The following MYO6 variants were observed in gnomAD, a reference collection of about 807,000 sequenced individuals.
The protein encoded by MYO6 is unconventional myosin-VI.
MYO6 carries 74 observed loss-of-function variants against 178.7 expected under a neutral mutation model. The ratio of observed to expected loss-of-function variants is 0.41; its 90% CI spans 0.34 to 0.50. The LOEUF (loss-of-function observed/expected upper bound fraction) is 0.50. MYO6 is among the 20% of genes least tolerant of loss of function. The pLI is 0.09. For synonymous variants in MYO6, 477 were observed against 504.6 expected (o/e 0.95, Z 0.73); for missense variants, 1,330 against 1,547.4 (o/e 0.86, Z 2.36).
chr6:75,889,097 G>T (rs866310082), intron 25 of MYO6, among the ~76,000 whole-genome samples: 1 of 151,980 alleles, frequency 6.6e-6, no homozygotes, highest in African/African-American at 2.4e-5. Flanking sequence ...TAAAGTGAGC[G>T]TTTTATATTT....
At chr6:75,760,572 A>G (rs1777857814) in intron 1 of MYO6, among the ~76,000 whole-genome samples, 3 of 152,282 alleles carry the variant, frequency 2.0e-5, no homozygotes, top group Non-Finnish European at 2.9e-5. Context: ...AGAATTTAGC[A>G]TACAAATAAA....
intron 16 of MYO6, among the ~76,000 whole-genome samples, chr6:75,866,275 C>CTGTGTGTGTGTGTGTGTG (rs10687890): frequency 2.5e-5 from 3 of 119,138 alleles, no homozygotes; most frequent in Non-Finnish European, 3.9e-5. Flanking sequence ...GTCTCTGTCT[C>CTGTGTGTGTGTGTGTGTG]TGTGTGTGTG....
chr6:75,832,139 C>T (rs1773159291), intron 5 of MYO6, among the ~76,000 whole-genome samples: 1 of 152,080 alleles, frequency 6.6e-6, no homozygotes, highest in Non-Finnish European at 1.5e-5. Context: ...GTAGTCTTAA[C>T]ATTTAATACA....
chr6:75,875,565 G>A (rs918621922), intron 20 of MYO6, among the ~76,000 whole-genome samples: 1 of 152,182 alleles, frequency 6.6e-6, no homozygotes, highest in Non-Finnish European at 1.5e-5. Context: ...GGGATTATAG[G>A]CATGAGCTGC....
At chr6:75,803,022 T>C (rs1265007520) in intron 1 of MYO6, among the ~76,000 whole-genome samples, 1 of 152,216 alleles carries the variant, frequency 6.6e-6, no homozygotes, top group Non-Finnish European at 1.5e-5. Context: ...TTTTTGTCCA[T>C]ATTATTGTAA....
At chr6:75,848,318 C>T (rs766646513) in intron 10 of MYO6, 33 bp from the exon 11 acceptor site, 40 of 1,586,310 alleles carry the variant, frequency 2.5e-5, no homozygotes, top group Non-Finnish European at 3.4e-5. Context: ...AATAATGTAA[C>T]GATCAGTTAA....
chr6:75,761,590 A>G (rs1777947008), intron 1 of MYO6, among the ~76,000 whole-genome samples: 1 of 117,082 alleles, frequency 8.5e-6, no homozygotes, highest in Non-Finnish European at 1.6e-5. Context: ...ATGGGCTGTT[A>G]GAACACACAC....
chr6:75,852,169 A>G (rs1318023644), intron 11 of MYO6, among the ~76,000 whole-genome samples: 2 of 151,952 alleles, frequency 1.3e-5, no homozygotes, highest in Non-Finnish European at 2.9e-5. Context: ...ACTTTGCGAT[A>G]TAGTAAAAAA....
At chr6:75,782,445 AT>A (rs531603292) in intron 1 of MYO6, among the ~76,000 whole-genome samples, 5 of 151,628 alleles carry the variant, frequency 3.3e-5, no homozygotes, top group South Asian at 4.2e-4. Flanking sequence ...GCATGAAAGT[AT>A]TTTTTTTGTC....
At position 75,830,403 on chromosome 6, in the gene MYO6, T is replaced by C. The variant is rs753496864; in HGVS notation, c.262-13T>C. On this transcript the variant is annotated splice_polypyrimidine_tract_variant and intron_variant, in intron 4 of 34. Transcript: ENST00000369977. ...TAATTGGAATATTTTATGTTTATGC[T>C]TTTCGTATTTAGACATATGTCGCCA... 1.7e-5 allele frequency: 28 copies of C among 1,606,892 alleles called. No homozygotes were observed. Among genetic ancestry groups the C allele is most frequent in the Non-Finnish European group, 8.5e-7 (1 of 1,174,018 alleles).
intron 20 of MYO6, among the ~76,000 whole-genome samples, chr6:75,877,886 G>A (rs994651148): frequency 6.6e-6 from 1 of 152,184 alleles, no homozygotes; most frequent in African/African-American, 2.4e-5. Flanking sequence ...AATTCTTAAT[G>A]AACTGTGAGC....
intron 1 of MYO6, among the ~76,000 whole-genome samples, chr6:75,758,125 G>A (rs762148166): frequency 7.9e-5 from 12 of 150,976 alleles, no homozygotes; most frequent in Non-Finnish European, 1.5e-4. Flanking sequence ...CTACAGGCAC[G>A]TGCCACCATG....
intron 9 of MYO6, among the ~76,000 whole-genome samples, chr6:75,842,461 C>T (rs1774332511): frequency 6.6e-6 from 1 of 152,186 alleles, no homozygotes; most frequent in Non-Finnish European, 1.5e-5. Context: ...CACATAATTA[C>T]TGCTCTGTGG....
chr6:75,832,793 CTTTATA>C, intron 5 of MYO6, 43 bp from the exon 6 acceptor site: 1 of 1,140,576 alleles, frequency 8.8e-7, no homozygotes, highest in Admixed American at 1.7e-5. Flanking sequence ...CTATTATTAA[CTTTATA>C]TTTAATATAT....
intron 30 of MYO6, among the ~76,000 whole-genome samples, chr6:75,899,416 A>G (rs1339080138): frequency 6.6e-6 from 1 of 152,168 alleles, no homozygotes; most frequent in Non-Finnish European, 1.5e-5. Flanking sequence ...AAAGACTCCC[A>G]GAACAGCTTA....
Position 75,841,382 on chromosome 6 carries a change from G to A in MYO6, c.816+4G>A, listed in dbSNP as rs775522159. On this transcript the variant is annotated splice_donor_region_variant and intron_variant, in intron 9 of 34. Coordinates refer to ENST00000369977, the MANE Select transcript of MYO6 (RefSeq NM_004999.4). ...GAGTTCACCAGATAATTTTCGGGTAGGTCAGAAGAAAAGAAATTTCATATA... is the reference window on the plus strand; with the variant it reads ...GAGTTCACCAGATAATTTTCGGGTAAGTCAGAAGAAAAGAAATTTCATATA... 5 of 1,612,814 alleles carry A rather than the reference G, an allele frequency of 3.1e-6. No individual in the cohort carries two copies. Among genetic ancestry groups the A allele is most frequent in the Non-Finnish European group, 4.2e-6 (5 of 1,179,764 alleles).
At chr6:75,885,780 A>G (rs1486057087) in intron 23 of MYO6, among the ~76,000 whole-genome samples, 1 of 152,070 alleles carries the variant, frequency 6.6e-6, no homozygotes, top group Admixed American at 6.5e-5. Context: ...GGAGGTTGCA[A>G]TGAGCCAAGA....
chr6:75,875,640 G>C (rs1043587330), intron 20 of MYO6, among the ~76,000 whole-genome samples: 1 of 152,184 alleles, frequency 6.6e-6, no homozygotes, highest in Non-Finnish European at 1.5e-5. Context: ...GGCTAGTCCC[G>C]CTGTAGAGCA....
At chr6:75,782,941 GTC>G (rs1767136853) in intron 1 of MYO6, among the ~76,000 whole-genome samples, 1 of 146,436 alleles carries the variant, frequency 6.8e-6, no homozygotes, top group Non-Finnish European at 1.5e-5. Flanking sequence ...AGAAGACAGG[GTC>G]TTGCTTTGTC....
Sources: allele counts gnomAD v4.1 joint callset (sites outside exome capture counted in the v4.1 genomes callset), GRCh38; gene constraint gnomAD v4.1.1; transcripts MANE v1.5; gene names NCBI Gene and HGNC (gene_info 2026-07-23, HGNC 2026-07-21).